LNPK: variants seen among roughly 807,000 people sequenced by gnomAD.
The protein encoded by LNPK is lunapark, ER junction formation factor, also known as endoplasmic reticulum junction formation protein lunapark.
A neutral mutation model predicts 55.2 loss-of-function variants in LNPK; 29 were observed. The observed-to-expected ratio is 0.53, with a 90% CI of 0.39 to 0.72. The LOEUF is 0.72. Ranked by LOEUF, LNPK falls within the 30% of genes least tolerant of loss-of-function variation. The pLI is 0.00. For synonymous variants in LNPK, 162 were observed against 168.2 expected, an observed-to-expected ratio of 0.96 and a Z score of 0.29; for missense variants, 467 against 494.8, an observed-to-expected ratio of 0.94 and a Z score of 0.53.
chr2:175,970,903 T>C (rs1686628720), intron 5 of LNPK, 99 bp from the exon 6 acceptor site: 1 of 1,087,288 alleles, frequency 9.2e-7, no homozygotes, highest in South Asian at 1.8e-5. Context: ...ACTTTCTTAT[T>C]TTAGGATTTT....
intron 12 of LNPK, among the ~76,000 whole-genome samples, chr2:175,933,842 C>T (rs141977254): frequency 0.013 from 1,933 of 149,746 alleles, 43 homozygotes; most frequent in African/African-American, 0.045. Flanking sequence ...GGTGATTCTC[C>T]TGCCTCAGCC....
Position 175,964,523 on chromosome 2 carries a change from C to A in LNPK, c.424G>T (p.Asp142Tyr), listed in dbSNP as rs1251086115. ...AGTCTTACCTTTGCTTTCTTTGAGT[C>A]CGGATCAAACCTTTCAAGAATTAAT... ...AKLILERFDP[D>Y]SKKAKECEPP... Residue 142 changes from aspartate (D) to tyrosine (Y), a missense_variant, in exon 7 of 13, where the codon GAC becomes TAC. Transcript: ENST00000272748. 6.2e-7 allele frequency: 1 copy of A among 1,609,272 alleles called. No homozygotes were observed. Among genetic ancestry groups the A allele is most frequent in the Non-Finnish European group, 8.5e-7 (1 of 1,175,884 alleles).
intron 2 of LNPK, among the ~76,000 whole-genome samples, chr2:175,994,679 C>G (rs1687852163): frequency 6.6e-6 from 1 of 151,952 alleles, no homozygotes; most frequent in Non-Finnish European, 1.5e-5. Context: ...ACCACCATGC[C>G]CAGCTAATTT....
At chr2:175,971,655 A>G (rs1215443448) in intron 5 of LNPK, among the ~76,000 whole-genome samples, 1 of 152,216 alleles carries the variant, frequency 6.6e-6, no homozygotes. Context: ...TCATTTATGT[A>G]AAAATTCAAG....
chr2:175,954,159 C>T (rs959665830), intron 8 of LNPK, among the ~76,000 whole-genome samples: 4 of 152,108 alleles, frequency 2.6e-5, no homozygotes, highest in African/African-American at 7.2e-5. Context: ...CATGTGTATA[C>T]CCCTTTTAAT....
chr2:175,990,990 A>C (rs1327575012), intron 4 of LNPK, among the ~76,000 whole-genome samples: 3 of 152,190 alleles, frequency 2.0e-5, no homozygotes, highest in Non-Finnish European at 4.4e-5. Flanking sequence ...CTTCTAAAGA[A>C]CAATTAGTAT....
intron 4 of LNPK, among the ~76,000 whole-genome samples, chr2:175,988,187 G>C (rs1687516690): frequency 6.6e-6 from 1 of 152,008 alleles, no homozygotes; most frequent in South Asian, 2.1e-4. Context: ...AATGTTTTTA[G>C]ATGAGATTTA....
chr2:175,963,351 T>C (rs1686158908), intron 8 of LNPK, among the ~76,000 whole-genome samples: 1 of 152,106 alleles, frequency 6.6e-6, no homozygotes, highest in Admixed American at 6.5e-5. Flanking sequence ...GTGGCACATA[T>C]ACACCATGGA....
At chr2:176,000,716 A>G (rs1208745869) in intron 1 of LNPK, among the ~76,000 whole-genome samples, 1 of 152,184 alleles carries the variant, frequency 6.6e-6, no homozygotes, top group Non-Finnish European at 1.5e-5. Flanking sequence ...CAGTACCTCC[A>G]TAACATATTA....
chr2:175,967,271 A>G (rs1331885684), intron 6 of LNPK, among the ~76,000 whole-genome samples: 1 of 152,206 alleles, frequency 6.6e-6, no homozygotes, highest in Non-Finnish European at 1.5e-5. Context: ...TTTAAAAGAT[A>G]GAATAATAAA....
chr2:175,981,961 T>C (rs1687193611), intron 4 of LNPK, among the ~76,000 whole-genome samples: 1 of 152,210 alleles, frequency 6.6e-6, no homozygotes, highest in African/African-American at 2.4e-5. Flanking sequence ...TTTTTTTTAA[T>C]ATTGTGATGA....
intron 8 of LNPK, among the ~76,000 whole-genome samples, chr2:175,951,716 C>T (rs819038): frequency 0.26 from 38,681 of 150,102 alleles, 5,698 homozygotes; most frequent in South Asian, 0.42. Flanking sequence ...GTATCTTTTT[C>T]GTATAATGAC....
At chr2:176,000,902 G>T (rs1309286612) in intron 1 of LNPK, among the ~76,000 whole-genome samples, 1 of 152,038 alleles carries the variant, frequency 6.6e-6, no homozygotes, top group Non-Finnish European at 1.5e-5. Context: ...AATGATTAGT[G>T]CTTGCTTTCA....
At position 175,933,970 on chromosome 2, in the gene LNPK, C is replaced by T. The variant is rs540300137; in HGVS notation, c.1054+3374G>A. Among the ~76,000 whole-genome samples the T allele has an allele frequency of 2.5e-3, 376 of 152,182 alleles. 1 individual carries two copies. The highest frequency in any genetic ancestry group is 8.6e-3 in the African/African-American group (358 of 41,540). ...CTGGTCTCGAACTGACCTTGTGATCCGCCCGCCTTGGCCTCCCAAAGTGCT... is the reference window on the plus strand; with the variant it reads ...CTGGTCTCGAACTGACCTTGTGATCTGCCCGCCTTGGCCTCCCAAAGTGCT... On this transcript the variant is annotated intron_variant, in intron 12 of 12. Coordinates refer to ENST00000272748, the MANE Select transcript of LNPK (RefSeq NM_030650.3).
intron 5 of LNPK, among the ~76,000 whole-genome samples, chr2:175,977,359 T>C (rs1559062936): frequency 6.6e-6 from 1 of 152,086 alleles, no homozygotes; most frequent in Non-Finnish European, 1.5e-5. Flanking sequence ...CAGTCACAAA[T>C]GGCTAGCAGA....
chr2:175,927,971 A>C lies in LNPK; in HGVS notation c.*1996T>G, dbSNP rs1037275286. ...GTACTCACTCATTTTCAAGCAATGT[A>C]TATCAGAATTTGAATGTTTTATAAC... is the stretch of plus-strand genomic sequence containing the variant. On this transcript the variant is annotated 3_prime_UTR_variant, in exon 13 of 13. Transcript: ENST00000272748. The C allele has an allele frequency of 6.6e-6, 1 of 152,168 alleles. No individual in the cohort carries two copies. Among genetic ancestry groups the C allele is most frequent in the Admixed American group, 6.5e-5 (1 of 15,272 alleles). The allele number at this position is 152,168 out of a possible 1,614,324, so 9.4% of individuals were successfully genotyped here. A position where few individuals can be genotyped will look rare whatever the true frequency, so the allele number is the denominator to read the frequency against.
At chr2:175,969,040 C>G (rs539888737) in intron 6 of LNPK, among the ~76,000 whole-genome samples, 1 of 151,300 alleles carries the variant, frequency 6.6e-6, no homozygotes, top group South Asian at 2.1e-4. Flanking sequence ...AAAAAAAAAC[C>G]AAAGTGTAAA....
At chr2:175,942,596 GA>G (rs1290271898) in intron 9 of LNPK, among the ~76,000 whole-genome samples, 1 of 150,704 alleles carries the variant, frequency 6.6e-6, no homozygotes, top group African/African-American at 2.4e-5. Flanking sequence ...AGGATTCAAA[GA>G]AAAAATGAAA....
At position 175,927,216 on chromosome 2, in the gene LNPK, G is replaced by C. The variant is rs1205257124; in HGVS notation, c.*2751C>G. ...TTCAATGTCAATACTGCCAAGCAGT[G>C]AAACAAGAACTGAGAGTTTTCACTG... is the stretch of plus-strand genomic sequence containing the variant. On this transcript the variant is annotated 3_prime_UTR_variant, in exon 13 of 13. Coordinates refer to ENST00000272748, the MANE Select transcript of LNPK (RefSeq NM_030650.3). The C allele has an allele frequency of 6.6e-6, 1 of 152,230 alleles. No homozygotes were observed. Among genetic ancestry groups the C allele is most frequent in the Non-Finnish European group, 1.5e-5 (1 of 68,046 alleles). 9.4% of individuals were successfully genotyped at this position (152,230 alleles called of 1,614,324 possible).
Sources: allele counts gnomAD v4.1 joint callset (sites outside exome capture counted in the v4.1 genomes callset), GRCh38; gene constraint gnomAD v4.1.1; transcripts MANE v1.5; gene names NCBI Gene and HGNC (gene_info 2026-07-23, HGNC 2026-07-21).